MLLT6: variants seen among roughly 807,000 people sequenced by gnomAD.
MLLT6 encodes the protein MLLT6, PHD finger containing.
MLLT6 carries 22 observed loss-of-function variants against 103.0 expected under a neutral mutation model. The ratio of observed to expected loss-of-function variants is 0.21; its 90% CI spans 0.15 to 0.31. The LOEUF is 0.31. MLLT6 is among the 10% of genes least tolerant of loss of function. The pLI is 1.00. For missense variants in MLLT6, 1,199 were observed against 1,441.7 expected, an observed-to-expected ratio of 0.83 and a Z score of 2.73; for synonymous variants, 606 against 623.5, an observed-to-expected ratio of 0.97 and a Z score of 0.42.
chr17:38,706,439 C>T (rs543262902), intron 1 of MLLT6, among the ~76,000 whole-genome samples: 129 of 152,276 alleles, frequency 8.5e-4, no homozygotes, highest in African/African-American at 2.9e-3. Flanking sequence ...CCACGCTCCT[C>T]TCGGTTCCCA....
In MLLT6 at chr17:38,715,846, G is replaced by A. The variant is rs918866561; in HGVS notation, c.1036+18G>A. On this transcript the variant is annotated intron_variant, in intron 9 of 19. Coordinates refer to ENST00000621332, the MANE Select transcript of MLLT6 (RefSeq NM_005937.4). ...GCCTGCAGGTGAGTGTGGGCATCCGGGAGGAAGCTGGGAGCAGGGAAAGCC... is the reference window on the plus strand; with the variant it reads ...GCCTGCAGGTGAGTGTGGGCATCCGAGAGGAAGCTGGGAGCAGGGAAAGCC... The A allele has an allele frequency of 4.5e-6, 7 of 1,567,492 alleles. No individual in the cohort carries two copies. The African/African-American group carries it at 5.4e-5, about 12-fold the overall frequency.
Position 38,729,752 on chromosome 17 carries a change from T to A in MLLT6, c.*4154T>A, listed in dbSNP as rs1163303307. 9.7e-6 allele frequency: 2 copies of A among 205,212 alleles called. No individual in the cohort carries two copies. Among genetic ancestry groups the A allele is most frequent in the Non-Finnish European group, 2.0e-5 (2 of 101,024 alleles). 12.7% of individuals were successfully genotyped at this position (205,212 alleles called of 1,614,324 possible). A position where few individuals can be genotyped will look rare whatever the true frequency, so the allele number is the denominator to read the frequency against. On this transcript the variant is annotated 3_prime_UTR_variant, in exon 20 of 20. Transcript: ENST00000621332. Reference sequence around the variant, plus strand: ...CGAAGGGCAGTTCGTAAACAGCACTTGTTCTTTTAATAAAAGAATGTTTTG... The same window carrying A: ...CGAAGGGCAGTTCGTAAACAGCACTAGTTCTTTTAATAAAAGAATGTTTTG...
At chr17:38,720,831 G>T (rs1330498555) in intron 16 of MLLT6, 84 bp downstream of exon 16, 3 of 1,233,974 alleles carry the variant, frequency 2.4e-6, no homozygotes, top group Admixed American at 3.8e-5. Context: ...GCTATTGGAG[G>T]CTGGGCAATG....
rs776264710 is a variant in MLLT6 at position 38,722,717 on chromosome 17, GCAGCAGCTC to G, written c.2838_2846del (p.Gln951_Leu953del). On this transcript the variant is annotated inframe_deletion, in exon 18 of 20. Coordinates refer to ENST00000621332, the MANE Select transcript of MLLT6 (RefSeq NM_005937.4). ...AGAGACATCTCCTTCAGCAGCAAGA[GCAGCAGCTC>G]CAGCAACTCCAGCAGCTCCTGGCCT... The G allele has an allele frequency of 2.5e-6, 4 of 1,601,318 alleles. No individual in the cohort carries two copies. Among genetic ancestry groups the G allele is most frequent in the Non-Finnish European group, 2.5e-6 (3 of 1,176,864 alleles).
chr17:38,722,117 G>T lies in MLLT6; in HGVS notation c.2682G>T (p.Leu894=). ...LLGGLAGSGG[L]PLNGLLGGLN... ...GGGGGCTGGCAGGCAGTGGGGGCCT[G>T]CCCCTCAATGGGCTCCTTGGGGGGT... The change falls in exon 17 of 20, where the codon CTG becomes CTT. Residue 894 remains leucine (L), a synonymous_variant. Transcript: ENST00000621332. 1 of 1,378,346 alleles carries T rather than the reference G, an allele frequency of 7.3e-7. No individual in the cohort carries two copies. The highest frequency in any genetic ancestry group is 9.3e-7 in the Non-Finnish European group (1 of 1,071,600). The allele number at this position is 1,378,346 out of a possible 1,614,324, so 85.4% of individuals were successfully genotyped here. A position where few individuals can be genotyped will look rare whatever the true frequency, so the allele number is the denominator to read the frequency against.
Position 38,716,447 on chromosome 17 carries a change from A to G in MLLT6, c.1117A>G (p.Thr373Ala), listed in dbSNP as rs768839436. ...AGAGGAGGACAAGTACTCCAAGCCC[A>G]CAGCCCCCGCCCCTTCAGCCCCTCC... ...QPEEDKYSKP[T>A]APAPSAPPSP... Residue 373 changes from threonine (T) to alanine (A), a missense_variant, in exon 10 of 20, where the codon ACA (threonine) becomes GCA (alanine). Physicochemically the swap from Thr to Ala is moderately conservative, Grantham distance 58 (BLOSUM62 0). This residue lies in a region of MLLT6 where 1,034 missense variants were observed against 1,091.5 expected (regional missense o/e 0.95). Coordinates refer to ENST00000621332, the MANE Select transcript of MLLT6 (RefSeq NM_005937.4). The surrounding 1 kb of genome is among the most constrained non-coding windows in gnomAD (Gnocchi z 5.6). The G allele has an allele frequency of 6.2e-6, 10 of 1,613,650 alleles. No homozygotes were observed. In the Admixed American group the frequency reaches 1.7e-4, roughly 27 times the overall value.
In MLLT6 at chr17:38,726,984, G is replaced by A. The variant is rs1906068314; in HGVS notation, c.*1386G>A. The A allele has an allele frequency of 4.3e-6, 1 of 233,660 alleles. No individual in the cohort carries two copies. The highest frequency in any genetic ancestry group is 8.5e-6 in the Non-Finnish European group (1 of 118,094). The allele number at this position is 233,660 out of a possible 1,614,324, so 14.5% of individuals were successfully genotyped here. ...GTGGACAGTCAGGAGAGAGGCGAGA[G>A]GCAAGGCGAAGCCTGTGTCCCTGTT... On this transcript the variant is annotated 3_prime_UTR_variant, in exon 20 of 20. Coordinates refer to ENST00000621332, the MANE Select transcript of MLLT6 (RefSeq NM_005937.4).
In MLLT6 at chr17:38,721,867, T is replaced by C. The variant is rs1483071936; in HGVS notation, c.2443-11T>C. The C allele has an allele frequency of 2.4e-5, 26 of 1,071,278 alleles. No individual in the cohort carries two copies. The highest frequency in any genetic ancestry group is 2.2e-4 in the Admixed American group (10 of 46,496). The allele number at this position is 1,071,278 out of a possible 1,614,324, so 66.4% of individuals were successfully genotyped here. A position where few individuals can be genotyped will look rare whatever the true frequency, so the allele number is the denominator to read the frequency against. On this transcript the variant is annotated splice_polypyrimidine_tract_variant and intron_variant, in intron 16 of 19. Transcript: ENST00000621332. Reference sequence around the variant, plus strand: ...GGCCCTCTGACCCCTCCCTTCCCCCTCCCTCCCCAGGACCCACACTCAGGC... The same window carrying C: ...GGCCCTCTGACCCCTCCCTTCCCCCCCCCTCCCCAGGACCCACACTCAGGC...
At position 38,727,522 on chromosome 17, in the gene MLLT6, G is replaced by A. The variant is rs1906102937; in HGVS notation, c.*1924G>A. The A allele has an allele frequency of 4.8e-6, 1 of 208,836 alleles. No homozygotes were observed. The highest frequency in any genetic ancestry group is 5.9e-5 in the Admixed American group (1 of 16,898). 12.9% of individuals were successfully genotyped at this position (208,836 alleles called of 1,614,324 possible). A position where few individuals can be genotyped will look rare whatever the true frequency, so the allele number is the denominator to read the frequency against. ...CACTGAAAAGAAAAGTAACCTTCAG[G>A]CCAGGCGCGGTGGCTCACGCCTGTA... On this transcript the variant is annotated 3_prime_UTR_variant, in exon 20 of 20. Coordinates refer to ENST00000621332, the MANE Select transcript of MLLT6 (RefSeq NM_005937.4).
intron 7 of MLLT6, among the ~76,000 whole-genome samples, chr17:38,712,436 T>C (rs1039041373): frequency 6.6e-6 from 1 of 152,202 alleles, no homozygotes; most frequent in Non-Finnish European, 1.5e-5. Flanking sequence ...TTCACGCGCG[T>C]GGTGCTCTAT....
In MLLT6 at chr17:38,728,434, C is replaced by T. The variant is rs555879113; in HGVS notation, c.*2836C>T. 5.1e-5 allele frequency: 12 copies of T among 233,362 alleles called. No individual in the cohort carries two copies. Among genetic ancestry groups the T allele is most frequent in the South Asian group, 1.8e-4 (1 of 5,526 alleles). 14.5% of individuals were successfully genotyped at this position (233,362 alleles called of 1,614,324 possible). Reference sequence around the variant, plus strand: ...GCAGAGCGGAAGCAGAGTTTGGAAACGCATGAGAGCAGAGCTTCGTGTGTT... The same window carrying T: ...GCAGAGCGGAAGCAGAGTTTGGAAATGCATGAGAGCAGAGCTTCGTGTGTT... On this transcript the variant is annotated 3_prime_UTR_variant, in exon 20 of 20. Coordinates refer to ENST00000621332, the MANE Select transcript of MLLT6 (RefSeq NM_005937.4).
At chr17:38,713,079 G>A (rs930623252) in intron 8 of MLLT6, 5 of 762,778 alleles carry the variant, frequency 6.6e-6, no homozygotes, top group African/African-American at 3.4e-5. Context: ...AGAGAGTGGG[G>A]GACGGCACTC....
chr17:38,708,459 A>G (rs529995335), intron 4 of MLLT6, among the ~76,000 whole-genome samples: 1 of 152,264 alleles, frequency 6.6e-6, no homozygotes, highest in South Asian at 2.1e-4. Flanking sequence ...GGCAGAAGAA[A>G]GCCTGGGCAG....
rs569484690 is a variant in MLLT6 at position 38,729,140 on chromosome 17, A to C, written c.*3542A>C. ...TCCACGCTTCTCTCTCCCAAATTGG[A>C]AATGAAGACAGGTTTTCAAAGGCAC... On this transcript the variant is annotated 3_prime_UTR_variant, in exon 20 of 20. Coordinates refer to ENST00000621332, the MANE Select transcript of MLLT6 (RefSeq NM_005937.4). The C allele has an allele frequency of 4.3e-6, 1 of 233,254 alleles. No homozygotes were observed. The highest frequency in any genetic ancestry group is 2.2e-5 in the African/African-American group (1 of 45,338). 14.4% of individuals were successfully genotyped at this position (233,254 alleles called of 1,614,324 possible).
In MLLT6 at chr17:38,709,097, T is replaced by C. The variant is rs1905049170; in HGVS notation, c.355-76T>C. The C allele has an allele frequency of 2.9e-6, 3 of 1,044,490 alleles. No individual in the cohort carries two copies. Among genetic ancestry groups the C allele is most frequent in the Middle Eastern group, 4.1e-4 (2 of 4,906 alleles). The allele number at this position is 1,044,490 out of a possible 1,614,324, so 64.7% of individuals were successfully genotyped here. The stretch of plus-strand genomic sequence containing the variant: ...CTAAGACTGTAGAGAGCAAATGGAA[T>C]GGAGGGGGTGGCCTAAGGACCATCA... On this transcript the variant is annotated intron_variant, in intron 4 of 19. Transcript: ENST00000621332. This position sits in a 1 kb window ranked among gnomAD's most constrained non-coding sequence, Gnocchi z 4.3.
chr17:38,716,913 C>T lies in MLLT6; in HGVS notation c.1583C>T (p.Ser528Phe), dbSNP rs762085658. The T allele has an allele frequency of 6.2e-7, 1 of 1,613,854 alleles. No homozygotes were observed. Among genetic ancestry groups the T allele is most frequent in the Non-Finnish European group, 8.5e-7 (1 of 1,179,948 alleles). ...SLVSSGLGGLSSRTFGPSGSL... is the reference protein window; with the variant it reads ...SLVSSGLGGLFSRTFGPSGSL... ...GTCAGCTCCGGCCTGGGAGGTCTGT[C>T]CTCCCGAACCTTTGGGCCTTCTGGG... The change falls in exon 10 of 20, where the codon TCC (serine) becomes TTC (phenylalanine). Residue 528 changes from serine to phenylalanine, a missense_variant. Transcript: ENST00000621332. The surrounding 1 kb of genome is among the most constrained non-coding windows in gnomAD (Gnocchi z 5.6).
At chr17:38,723,485 C>A (rs545510704) in intron 18 of MLLT6, among the ~76,000 whole-genome samples, 8 of 152,076 alleles carry the variant, frequency 5.3e-5, no homozygotes, top group Admixed American at 2.6e-4. Flanking sequence ...GAATGAGACC[C>A]TGTCTCAAAA....
chr17:38,719,616 G>T (rs1260857766), intron 13 of MLLT6, 33 bp downstream of exon 13: 1 of 1,583,410 alleles, frequency 6.3e-7, no homozygotes, highest in African/African-American at 1.3e-5. Flanking sequence ...GGAGGGGCTG[G>T]GGGCAGGAGG....
At position 38,715,153 on chromosome 17, in the gene MLLT6, G is replaced by A. The variant is rs182179580; in HGVS notation, c.820-459G>A. Reference sequence around the variant, plus strand: ...AGAATGGGTGGAAAGCCAGGGGGCCGAAGTTTGGGGTAGTAGCTGGAGGGC... The same window carrying A: ...AGAATGGGTGGAAAGCCAGGGGGCCAAAGTTTGGGGTAGTAGCTGGAGGGC... On this transcript the variant is annotated intron_variant, in intron 8 of 19. Transcript: ENST00000621332. 1.1e-3 allele frequency among the ~76,000 whole-genome samples: 164 copies of A among 152,294 alleles called. 1 individual carries two copies. The highest frequency in any genetic ancestry group is 3.6e-3 in the African/African-American group (151 of 41,560).
Sources: allele counts gnomAD v4.1 joint callset (sites outside exome capture counted in the v4.1 genomes callset), GRCh38; gene constraint gnomAD v4.1.1; regional missense constraint gnomAD v4.1.1; non-coding constraint Gnocchi (gnomAD v3.1); transcripts MANE v1.5; gene names NCBI Gene and HGNC (gene_info 2026-07-23, HGNC 2026-07-21).